PDE1C: variants seen among roughly 807,000 people sequenced by gnomAD.
PDE1C encodes phosphodiesterase 1C.
A neutral mutation model predicts 93.1 loss-of-function variants in PDE1C; 62 were observed. The ratio of observed to expected loss-of-function variants is 0.67; its 90% CI spans 0.54 to 0.82. The LOEUF (loss-of-function observed/expected upper bound fraction) is 0.82, where lower values mean the gene tolerates loss of function less well. Ranked by LOEUF, PDE1C falls within the 40% of genes least tolerant of loss-of-function variation. The pLI, the probability that PDE1C is intolerant of heterozygous loss-of-function variation, is 0.00. For missense variants in PDE1C, 742 were observed against 884.6 expected, an observed-to-expected ratio of 0.84 and a Z score of 2.04; for synonymous variants, 325 against 310.1, an observed-to-expected ratio of 1.05 and a Z score of -0.50.
intron 16 of PDE1C, among the ~76,000 whole-genome samples, chr7:31,779,363 G>A (rs1046334143): frequency 1.3e-5 from 2 of 152,164 alleles, no homozygotes; most frequent in Admixed American, 6.5e-5. Flanking sequence ...CTATTGCCAG[G>A]TTATTTCATA....
chr7:31,617,109 G>A, the PDE1C span, among the ~76,000 whole-genome samples: 6 of 152,170 alleles, frequency 3.9e-5, no homozygotes, highest in Admixed American at 2.6e-4. Context: ...TGGTGGGTGA[G>A]CTCGTCCCGG....
chr7:31,764,688 T>A (rs1795033872), intron 17 of PDE1C, among the ~76,000 whole-genome samples: 1 of 152,230 alleles, frequency 6.6e-6, no homozygotes, highest in South Asian at 2.1e-4. Context: ...AGTGATTCCC[T>A]GGATTTTTTG....
chr7:32,267,322 T>C (rs1810653331), intron 1 of PDE1C, among the ~76,000 whole-genome samples: 1 of 152,142 alleles, frequency 6.6e-6, no homozygotes, highest in Non-Finnish European at 1.5e-5. Flanking sequence ...GCCATGGCTC[T>C]GGAGTTTGGG....
At chr7:32,324,975 T>C (rs1247706557) in intron 1 of PDE1C, among the ~76,000 whole-genome samples, 1 of 152,176 alleles carries the variant, frequency 6.6e-6, no homozygotes, top group Non-Finnish European at 1.5e-5. Context: ...TGATGCACTC[T>C]GTGAAACTCC....
At chr7:31,677,527 T>C in the PDE1C span, among the ~76,000 whole-genome samples, 2 of 152,194 alleles carry the variant, frequency 1.3e-5, no homozygotes, top group African/African-American at 4.8e-5. Flanking sequence ...ATCATACTAA[T>C]CAAGCTAAGG....
chr7:31,618,528 C>T, the PDE1C span, among the ~76,000 whole-genome samples: 1 of 152,204 alleles, frequency 6.6e-6, no homozygotes, highest in Non-Finnish European at 1.5e-5. Context: ...CCTCCAGGGG[C>T]CCCTTCTTCT....
At chr7:32,379,931 C>A (rs996712131) in intron 1 of PDE1C, among the ~76,000 whole-genome samples, 2 of 152,206 alleles carry the variant, frequency 1.3e-5, no homozygotes, top group African/African-American at 4.8e-5. Context: ...TGGGTGTGAG[C>A]TGTGGTCTGA....
the PDE1C span, among the ~76,000 whole-genome samples, chr7:31,634,076 C>T: frequency 6.6e-6 from 1 of 152,156 alleles, no homozygotes; most frequent in Non-Finnish European, 1.5e-5. Flanking sequence ...CCAGGTTCTT[C>T]CACTCTGTGG....
chr7:31,621,209 C>G, the PDE1C span, among the ~76,000 whole-genome samples: 1 of 151,952 alleles, frequency 6.6e-6, no homozygotes, highest in Admixed American at 6.6e-5. Flanking sequence ...GAGAACTTCC[C>G]CAATCTAGCA....
chr7:31,764,379 C>T (rs758727085), intron 17 of PDE1C, among the ~76,000 whole-genome samples: 7 of 152,032 alleles, frequency 4.6e-5, no homozygotes, highest in Non-Finnish European at 7.4e-5. Context: ...CTCCTGACCG[C>T]GGTGATCCAA....
intron 1 of PDE1C, among the ~76,000 whole-genome samples, chr7:32,372,052 A>ATTTT (rs70989652): frequency 3.8e-5 from 5 of 132,466 alleles, no homozygotes; most frequent in African/African-American, 8.5e-5. Context: ...TGGTCAATTG[A>ATTTT]TTTTTTTTTT....
the PDE1C span, among the ~76,000 whole-genome samples, chr7:31,718,388 G>A: frequency 2.6e-5 from 4 of 152,232 alleles, no homozygotes; most frequent in Admixed American, 2.0e-4. Context: ...CTACTCACAG[G>A]TCTGAAGACA....
chr7:32,170,026 A>G (rs1180467540), intron 2 of PDE1C: 5 of 1,344,476 alleles, frequency 3.7e-6, no homozygotes, highest in South Asian at 1.3e-5. Flanking sequence ...GCCTTCCCCA[A>G]CTCAGGATCT....
chr7:32,374,883 G>C (rs1010387858), intron 1 of PDE1C, among the ~76,000 whole-genome samples: 4 of 152,138 alleles, frequency 2.6e-5, no homozygotes, highest in African/African-American at 9.7e-5. Context: ...CATCAATGGT[G>C]CCCAGCTCCA....
At chr7:31,694,350 C>T in the PDE1C span, among the ~76,000 whole-genome samples, 13 of 145,224 alleles carry the variant, frequency 9.0e-5, no homozygotes, top group Admixed American at 4.1e-4. Context: ...AGATGCTTTG[C>T]AAACATTAAC....
At chr7:32,294,093 C>T (rs1351799722) in intron 1 of PDE1C, among the ~76,000 whole-genome samples, 3 of 152,098 alleles carry the variant, frequency 2.0e-5, no homozygotes, top group African/African-American at 7.2e-5. Flanking sequence ...CAGATCCCCT[C>T]TGAGAGGAGC....
chr7:31,757,074 A>T (rs1294071663), intron 17 of PDE1C, among the ~76,000 whole-genome samples: 1 of 152,242 alleles, frequency 6.6e-6, no homozygotes, highest in Non-Finnish European at 1.5e-5. Flanking sequence ...ATGAACAATC[A>T]TAGGGAATTG....
At chr7:31,958,707 A>T (rs1808493724) in intron 2 of PDE1C, among the ~76,000 whole-genome samples, 1 of 152,116 alleles carries the variant, frequency 6.6e-6, no homozygotes, top group African/African-American at 2.4e-5. Context: ...TGCTATATAC[A>T]CATTTATTAC....
chr7:31,684,216 T>C, the PDE1C span, among the ~76,000 whole-genome samples: 1 of 152,182 alleles, frequency 6.6e-6, no homozygotes, highest in African/African-American at 2.4e-5. Flanking sequence ...AACTTGGGAG[T>C]AGTAGACATG....
Sources: allele counts gnomAD v4.1 joint callset (sites outside exome capture counted in the v4.1 genomes callset), GRCh38; gene constraint gnomAD v4.1.1; transcripts MANE v1.5; gene names NCBI Gene and HGNC (gene_info 2026-07-23, HGNC 2026-07-21).